KIRREL3: variants seen among roughly 807,000 people sequenced by gnomAD.
KIRREL3 encodes the protein kin of IRRE-like protein 3.
In KIRREL3, 36 loss-of-function variants were observed where a neutral mutation model predicts 89.7. That is an observed-to-expected ratio of 0.40 (90% CI 0.31 to 0.53). The LOEUF (loss-of-function observed/expected upper bound fraction) is 0.53, where lower values mean the gene tolerates loss of function less well. Ranked by LOEUF, KIRREL3 falls within the 20% of genes least tolerant of loss-of-function variation. The pLI is 0.49. For synonymous variants in KIRREL3, 445 were observed against 441.4 expected (o/e 1.01, Z -0.10); for missense variants, 864 against 1,056.6 (o/e 0.82, Z 2.53).
At chr11:126,460,797 T>C (rs1011146528) in intron 6 of KIRREL3, among the ~76,000 whole-genome samples, 2 of 152,202 alleles carry the variant, frequency 1.3e-5, no homozygotes, top group Non-Finnish European at 2.9e-5. Flanking sequence ...CCTGGGGTAA[T>C]GCCTGGAGCA....
rs530239403 is a variant in KIRREL3, at chr11:126,515,107, C to T, written c.433+6208G>A. On this transcript the variant is annotated intron_variant, in intron 4 of 16. Coordinates refer to ENST00000525144, the MANE Select transcript of KIRREL3 (RefSeq NM_032531.4). This position sits in a 1 kb window ranked among gnomAD's most constrained non-coding sequence, Gnocchi z 4.2. ...ATGAAAACAGTTACTCTCAACATAG[C>T]GTGTCGAGACCTGTAATCAAGGTGC... is the stretch of plus-strand genomic sequence containing the variant. 2.6e-4 allele frequency among the ~76,000 whole-genome samples: 40 copies of T among 152,258 alleles called. No individual in the cohort carries two copies. Among genetic ancestry groups the T allele is most frequent in the Non-Finnish European group, 5.3e-4 (36 of 68,026 alleles).
At chr11:126,533,745 G>A (rs573764846) in intron 2 of KIRREL3, among the ~76,000 whole-genome samples, 1 of 152,300 alleles carries the variant, frequency 6.6e-6, no homozygotes, top group Admixed American at 6.5e-5. Context: ...TTGAATCCTG[G>A]CACTTCCATG....
In KIRREL3 at chr11:126,558,546, C is replaced by CTTCAT. The variant is rs1205339747; in HGVS notation, c.133+4288_133+4289insATGAA. 4.6e-5 allele frequency among the ~76,000 whole-genome samples: 7 copies of CTTCAT among 152,154 alleles called. No individual in the cohort carries two copies. Among genetic ancestry groups the CTTCAT allele is most frequent in the African/African-American group, 9.7e-5 (4 of 41,438 alleles). ...TCTTCCAGCCACTTCATATGGGCCC[C>CTTCAT]GGGCAAGTTGCTGCATGCTCTTGGG... On this transcript the variant is annotated intron_variant, in intron 2 of 16. Transcript: ENST00000525144. This position sits in a 1 kb window ranked among gnomAD's most constrained non-coding sequence, Gnocchi z 4.0.
At chr11:126,950,319 A>G (rs962373821) in intron 1 of KIRREL3, among the ~76,000 whole-genome samples, 2 of 152,160 alleles carry the variant, frequency 1.3e-5, no homozygotes, top group Non-Finnish European at 2.9e-5. Context: ...GTGAGCAGAG[A>G]TTGTGCCACT....
chr11:126,762,178 A>AATAAATAT (rs1949685732), intron 1 of KIRREL3, among the ~76,000 whole-genome samples: 1 of 151,900 alleles, frequency 6.6e-6, no homozygotes, highest in African/African-American at 2.4e-5. Context: ...GTCATAAATA[A>AATAAATAT]ATAAATAAAT....
chr11:126,727,953 G>C (rs373804804), intron 1 of KIRREL3, among the ~76,000 whole-genome samples: 13 of 152,006 alleles, frequency 8.6e-5, no homozygotes, highest in Middle Eastern at 3.2e-3. Flanking sequence ...GAATTGGCTT[G>C]AAGTAGGGCT....
In KIRREL3 at chr11:126,676,479, G is replaced by A. The variant is rs1210905281; in HGVS notation, c.56-113567C>T. Among the ~76,000 whole-genome samples, 1 of 152,126 alleles carries A rather than the reference G, an allele frequency of 6.6e-6. No homozygotes were observed. Among genetic ancestry groups the A allele is most frequent in the Non-Finnish European group, 1.5e-5 (1 of 68,014 alleles). ...ACACTGAGGCTGTTCTTTGACCAGT[G>A]TTTCTCAAATTTGCACCTGCAGATG... On this transcript the variant is annotated intron_variant, in intron 1 of 16. Transcript: ENST00000525144. This position sits in a 1 kb window ranked among gnomAD's most constrained non-coding sequence, Gnocchi z 4.5.
rs1945674995 is a variant in KIRREL3 at position 126,666,598 on chromosome 11, A to G, written c.56-103686T>C. On this transcript the variant is annotated intron_variant, in intron 1 of 16. Coordinates refer to ENST00000525144, the MANE Select transcript of KIRREL3 (RefSeq NM_032531.4). This position sits in a 1 kb window ranked among gnomAD's most constrained non-coding sequence, Gnocchi z 4.2. Reference sequence around the variant, plus strand: ...TCACTTACATGGCACAAGGAAAACAATATCAATGATTTGTGCTGCCTGCTT... The same window carrying G: ...TCACTTACATGGCACAAGGAAAACAGTATCAATGATTTGTGCTGCCTGCTT... Among the ~76,000 whole-genome samples the G allele has an allele frequency of 6.6e-6, 1 of 152,226 alleles. No individual in the cohort carries two copies.
intron 1 of KIRREL3, among the ~76,000 whole-genome samples, chr11:126,880,344 T>TGA (rs1945451294): frequency 6.6e-6 from 1 of 152,334 alleles, no homozygotes; most frequent in African/African-American, 2.4e-5. Flanking sequence ...AGGATCCCAC[T>TGA]GAGAGAACAT....
At chr11:126,945,685 C>G (rs998512947) in intron 1 of KIRREL3, among the ~76,000 whole-genome samples, 2 of 152,136 alleles carry the variant, frequency 1.3e-5, no homozygotes, top group Non-Finnish European at 2.9e-5. Flanking sequence ...AAGCCTTTCT[C>G]ACCTAAGTTT....
At chr11:126,438,476 C>G (rs1241773253) in intron 11 of KIRREL3, among the ~76,000 whole-genome samples, 1 of 152,228 alleles carries the variant, frequency 6.6e-6, no homozygotes, top group African/African-American at 2.4e-5. Flanking sequence ...CAGCAGCACC[C>G]TGGCCTCTAC....
In KIRREL3 at chr11:126,490,059, C is replaced by T. The variant is rs967915338; in HGVS notation, c.434-16593G>A. On this transcript the variant is annotated intron_variant, in intron 4 of 16. Coordinates refer to ENST00000525144, the MANE Select transcript of KIRREL3 (RefSeq NM_032531.4). The surrounding 1 kb of genome is among the most constrained non-coding windows in gnomAD (Gnocchi z 4.2). Reference sequence around the variant, plus strand: ...GAACGGGGTGAGGTGTCCAGTGTTGCTTTGAAGTGAAATGTTTTGGATGTG... The same window carrying T: ...GAACGGGGTGAGGTGTCCAGTGTTGTTTTGAAGTGAAATGTTTTGGATGTG... 6.6e-6 allele frequency among the ~76,000 whole-genome samples: 1 copy of T among 152,084 alleles called. No individual in the cohort carries two copies. Among genetic ancestry groups the T allele is most frequent in the Non-Finnish European group, 1.5e-5 (1 of 68,020 alleles).
chr11:126,656,665 T>A lies in KIRREL3; in HGVS notation c.56-93753A>T, dbSNP rs1945153451. Among the ~76,000 whole-genome samples, 1 of 152,214 alleles carries A rather than the reference T, an allele frequency of 6.6e-6. No homozygotes were observed. The highest frequency in any genetic ancestry group is 2.1e-4 in the South Asian group (1 of 4,828). On this transcript the variant is annotated intron_variant, in intron 1 of 16. Transcript: ENST00000525144. The surrounding 1 kb of genome is among the most constrained non-coding windows in gnomAD (Gnocchi z 4.0). ...AGTAAGAAGATGAATTTGCACAGATTTCTCCCTGCATAATTTCTCCGTATC... is the reference window on the plus strand; with the variant it reads ...AGTAAGAAGATGAATTTGCACAGATATCTCCCTGCATAATTTCTCCGTATC...
At position 126,571,843 on chromosome 11, in the gene KIRREL3, C is replaced by A. The variant is rs748993272; in HGVS notation, c.56-8931G>T. Among the ~76,000 whole-genome samples, 1 of 152,138 alleles carries A rather than the reference C, an allele frequency of 6.6e-6. No homozygotes were observed. The highest frequency in any genetic ancestry group is 1.5e-5 in the Non-Finnish European group (1 of 68,042). On this transcript the variant is annotated intron_variant, in intron 1 of 16. Coordinates refer to ENST00000525144, the MANE Select transcript of KIRREL3 (RefSeq NM_032531.4). This position sits in a 1 kb window ranked among gnomAD's most constrained non-coding sequence, Gnocchi z 7.7. ...TCCCATGTGCAAGGATGCCTCAGCC[C>A]GTCTCTGATTTAACGTATCTAATTC...
chr11:126,730,182 A>T (rs1052293969), intron 1 of KIRREL3, among the ~76,000 whole-genome samples: 1 of 152,158 alleles, frequency 6.6e-6, no homozygotes, highest in African/African-American at 2.4e-5. Context: ...GTCTCCACTT[A>T]GCCCTTGGCC....
chr11:126,758,757 T>A (rs770641134), intron 1 of KIRREL3, among the ~76,000 whole-genome samples: 2 of 152,206 alleles, frequency 1.3e-5, no homozygotes, highest in Non-Finnish European at 2.9e-5. Context: ...GTGTCAAAAA[T>A]AACTATCGCA....
At position 126,564,970 on chromosome 11, in the gene KIRREL3, G is replaced by C. The variant is rs1240567196; in HGVS notation, c.56-2058C>G. On this transcript the variant is annotated intron_variant, in intron 1 of 16. Coordinates refer to ENST00000525144, the MANE Select transcript of KIRREL3 (RefSeq NM_032531.4). This position sits in a 1 kb window ranked among gnomAD's most constrained non-coding sequence, Gnocchi z 7.4. ...TGCTGACAATTCCTATTATATTTTT[G>C]CCATTGACTTCGTATGCCCATCTAA... Among the ~76,000 whole-genome samples, 22 of 152,072 alleles carry C rather than the reference G, an allele frequency of 1.4e-4. No individual in the cohort carries two copies. Among genetic ancestry groups the C allele is most frequent in the Non-Finnish European group, 3.2e-4 (22 of 68,022 alleles).
chr11:126,722,998 CT>C (rs1157332734), intron 1 of KIRREL3, among the ~76,000 whole-genome samples: 2 of 152,320 alleles, frequency 1.3e-5, no homozygotes, highest in East Asian at 3.9e-4. Context: ...TATCCTTTGT[CT>C]CCCACGGTGG....
chr11:126,857,921 G>A (rs1944584283), intron 1 of KIRREL3, among the ~76,000 whole-genome samples: 1 of 152,156 alleles, frequency 6.6e-6, no homozygotes, highest in South Asian at 2.1e-4. Flanking sequence ...ACACCTTGGG[G>A]AAATTCACTG....
Sources: gnomAD v4.1 joint callset for allele counts (sites outside exome capture counted in the v4.1 genomes callset) on GRCh38, gnomAD v4.1.1 for gene constraint, Gnocchi (gnomAD v3.1) non-coding constraint, MANE v1.5 for transcripts, NCBI Gene and HGNC (gene_info 2026-07-23, HGNC 2026-07-21) for gene names.